The following MACF1 variants were observed in gnomAD, a reference collection of about 807,000 sequenced individuals.
MACF1 encodes microtubule actin crosslinking factor 1, also known as microtubule-actin cross-linking factor 1.
Under a neutral mutation model 854.8 loss-of-function variants are expected in MACF1, and 193 were observed. That is an observed-to-expected ratio of 0.23 (90% CI 0.20 to 0.25). The LOEUF (loss-of-function observed/expected upper bound fraction) is 0.25, where lower values mean the gene tolerates loss of function less well. MACF1 is among the 10% of genes least tolerant of loss of function. The pLI is 1.00. For synonymous variants in MACF1, 3,185 were observed against 3,226.7 expected (o/e 0.99, Z 0.44); for missense variants, 7,722 against 8,929.1 (o/e 0.86, Z 5.45).
At position 39,452,327 on chromosome 1, in the gene MACF1, C is replaced by G; in HGVS notation, c.20590C>G (p.Arg6864Gly). ...TAAACTCTCTGTTTCCAAACAAAGC[C>G]GGCTTGAGCAGGCCTTAAAACAAGT... ...VCKLSVSKQSRLEQALKQAEV... is the reference protein window; with the variant it reads ...VCKLSVSKQSGLEQALKQAEV... The change falls in exon 86 of 101, where the codon CGG (arginine) becomes GGG (glycine). Residue 6864 changes from arginine (R) to glycine (G), a missense_variant. Around this residue, in one of 15 missense-constraint regions of MACF1, gnomAD observed 729 missense variants for 900.5 expected, o/e 0.81. Coordinates refer to ENST00000564288, the MANE Select transcript of MACF1 (RefSeq NM_001394062.1). The G allele has an allele frequency of 1.2e-6, 2 of 1,613,976 alleles. No individual in the cohort carries two copies. The highest frequency in any genetic ancestry group is 1.7e-6 in the Non-Finnish European group (2 of 1,179,940).
chr1:39,206,093 T>G (rs1488754114), intron 1 of MACF1, among the ~76,000 whole-genome samples: 1 of 152,236 alleles, frequency 6.6e-6, no homozygotes, highest in Non-Finnish European at 1.5e-5. Flanking sequence ...ATTATTTAGC[T>G]TTCTATTAAA....
chr1:39,443,014 T>A, intron 78 of MACF1, 103 bp downstream of exon 78: 3 of 1,140,206 alleles, frequency 2.6e-6, no homozygotes, highest in Non-Finnish European at 3.8e-6. Flanking sequence ...GAATCCCTTA[T>A]GTCTTGAGGG....
At chr1:39,417,611 A>G (rs956342064) in intron 58 of MACF1, among the ~76,000 whole-genome samples, 16 of 151,062 alleles carry the variant, frequency 1.1e-4, no homozygotes, top group African/African-American at 2.2e-4. Context: ...CAGTGGCACA[A>G]TCTTGGCTCA....
chr1:39,106,393 G>C (rs536541786), intron 2 of MACF1, among the ~76,000 whole-genome samples: 1 of 152,190 alleles, frequency 6.6e-6, no homozygotes, highest in Non-Finnish European at 1.5e-5. Flanking sequence ...AGACACTTCT[G>C]CAAGTTAATG....
intron 2 of MACF1, among the ~76,000 whole-genome samples, chr1:39,168,161 T>C (rs1184305095): frequency 6.6e-6 from 1 of 152,172 alleles, no homozygotes; most frequent in Non-Finnish European, 1.5e-5. Flanking sequence ...TCCTCTGAGA[T>C]CTCTTGTCTA....
chr1:39,388,941 C>T (rs1036631153), intron 58 of MACF1, among the ~76,000 whole-genome samples: 10 of 134,440 alleles, frequency 7.4e-5, no homozygotes, highest in Non-Finnish European at 1.4e-4. Context: ...TGCAGTGGTG[C>T]GATCTCGGCT....
At position 39,232,527 on chromosome 1, in the gene MACF1, C is replaced by T. The variant is rs116735467; in HGVS notation, c.171+1284C>T. On this transcript the variant is annotated intron_variant, in intron 2 of 100. Transcript: ENST00000564288. The stretch of plus-strand genomic sequence containing the variant: ...TGTCTGACTCTTCCATGATGGTGTT[C>T]CCCAGGATCCTAACCTTGGCCATTT... Among the ~76,000 whole-genome samples, 1,276 of 152,174 alleles carry T rather than the reference C, an allele frequency of 8.4e-3. 16 individuals are homozygous for T. The highest frequency in any genetic ancestry group is 0.029 in the African/African-American group (1,193 of 41,510).
intron 2 of MACF1, among the ~76,000 whole-genome samples, chr1:39,119,784 G>A (rs887667516): frequency 3.3e-5 from 5 of 150,776 alleles, no homozygotes; most frequent in Admixed American, 6.6e-5. Flanking sequence ...AATGCTTTGT[G>A]TATACTAAAT....
At chr1:39,116,545 G>A (rs907044322) in intron 2 of MACF1, among the ~76,000 whole-genome samples, 4 of 152,038 alleles carry the variant, frequency 2.6e-5, no homozygotes, top group Non-Finnish European at 2.9e-5. Context: ...GAAGAATATG[G>A]GGTCCTTGTA....
intron 1 of MACF1, among the ~76,000 whole-genome samples, chr1:39,229,555 T>C (rs540608630): frequency 1.3e-5 from 2 of 152,240 alleles, no homozygotes; most frequent in South Asian, 4.1e-4. Flanking sequence ...TCCGAAATGT[T>C]CTCTGTCTTG....
At chr1:39,449,556 G>A (rs1040605835) in intron 84 of MACF1, among the ~76,000 whole-genome samples, 5 of 151,838 alleles carry the variant, frequency 3.3e-5, no homozygotes, top group South Asian at 2.1e-4. Context: ...CCGCCACCAC[G>A]CCTGGCTAGT....
chr1:39,295,898 G>C lies in MACF1; in HGVS notation c.2355+16G>C. On this transcript the variant is annotated intron_variant, in intron 20 of 100. Transcript: ENST00000564288. ...TTATTTTCAGGTGTGATGGATTTCT[G>C]TGTTTGTGTGTGTGTGTACATATGT... The C allele has an allele frequency of 6.2e-7, 1 of 1,602,826 alleles. No individual in the cohort carries two copies.
intron 49 of MACF1, among the ~76,000 whole-genome samples, chr1:39,362,942 C>G (rs1028694649): frequency 6.6e-6 from 1 of 152,192 alleles, no homozygotes; most frequent in Admixed American, 6.5e-5. Flanking sequence ...AGGGAGAACC[C>G]TAGTTCCCAG....
In MACF1 at chr1:39,388,497, C is replaced by T. The variant is rs776696640; in HGVS notation, c.15655C>T (p.Arg5219Cys). Residue 5219 changes from arginine (R) to cysteine (C), a missense_variant, in exon 58 of 101, where the codon CGT becomes TGT. Physicochemically the swap from Arg to Cys is radical, Grantham distance 180 (BLOSUM62 -3). Coordinates refer to ENST00000564288, the MANE Select transcript of MACF1 (RefSeq NM_001394062.1). ...CAAACTGACAGAGAGGGGGAAAGCTCGTCAGGAACAGCTGGAACTGACACT... is the reference window on the plus strand; with the variant it reads ...CAAACTGACAGAGAGGGGGAAAGCTTGTCAGGAACAGCTGGAACTGACACT... ...CGKLTERGKARQEQLELTLGR... is the reference protein window; with the variant it reads ...CGKLTERGKACQEQLELTLGR... 12 of 1,613,972 alleles carry T rather than the reference C, an allele frequency of 7.4e-6. No individual in the cohort carries two copies. Among genetic ancestry groups the T allele is most frequent in the Admixed American group, 1.7e-5 (1 of 59,972 alleles).
intron 14 of MACF1, 54 bp from the exon 15 acceptor site, chr1:39,287,232 A>G: frequency 6.5e-7 from 1 of 1,530,726 alleles, no homozygotes; most frequent in Non-Finnish European, 8.9e-7. Flanking sequence ...TTTTATTTTT[A>G]AAAACTATAC....
Position 39,347,226 on chromosome 1 carries a change from C to T in MACF1, c.10815+16C>T. Reference sequence around the variant, plus strand: ...CCTGGTGAAGGTCAGACTGAACCAGCAGCTGGGCTCAGTTTGTCTTTGGGG... The same window carrying T: ...CCTGGTGAAGGTCAGACTGAACCAGTAGCTGGGCTCAGTTTGTCTTTGGGG... On this transcript the variant is annotated intron_variant, in intron 41 of 100. Coordinates refer to ENST00000564288, the MANE Select transcript of MACF1 (RefSeq NM_001394062.1). The T allele has an allele frequency of 6.4e-7, 1 of 1,565,046 alleles. No individual in the cohort carries two copies. The highest frequency in any genetic ancestry group is 8.8e-7 in the Non-Finnish European group (1 of 1,136,382).
intron 58 of MACF1, among the ~76,000 whole-genome samples, chr1:39,402,129 T>C (rs1393140966): frequency 1.3e-5 from 2 of 152,154 alleles, no homozygotes; most frequent in Admixed American, 6.5e-5. Context: ...GGAGAATCGC[T>C]TGAACCTGGG....
intron 55 of MACF1, among the ~76,000 whole-genome samples, chr1:39,380,629 A>G (rs1010595152): frequency 1.3e-5 from 2 of 152,350 alleles, no homozygotes; most frequent in South Asian, 4.1e-4. Context: ...AAGAGAGGCC[A>G]GGAACAGTGC....
At chr1:39,416,678 C>CT (rs1189017442) in intron 58 of MACF1, among the ~76,000 whole-genome samples, 3 of 152,172 alleles carry the variant, frequency 2.0e-5, no homozygotes, top group Non-Finnish European at 1.5e-5. Context: ...TACATAATCT[C>CT]TAACTATCCT....
Sources: allele counts gnomAD v4.1 joint callset (sites outside exome capture counted in the v4.1 genomes callset), GRCh38; gene constraint gnomAD v4.1.1; regional missense constraint gnomAD v4.1.1; transcripts MANE v1.5; gene names NCBI Gene and HGNC (gene_info 2026-07-23, HGNC 2026-07-21).